The following KIF18B variants were observed in gnomAD, a reference collection of about 807,000 sequenced individuals.
KIF18B encodes the protein kinesin-like protein KIF18B.
A neutral mutation model predicts 80.9 loss-of-function variants in KIF18B; 49 were observed. The observed-to-expected ratio is 0.61, with a 90% CI of 0.48 to 0.77. The LOEUF (loss-of-function observed/expected upper bound fraction) is 0.77. Among genes scored for constraint, KIF18B ranks in the 30% least tolerant of loss-of-function variants. The probability of loss-of-function intolerance (pLI) is 0.00; values close to 1 mark genes in which losing one functional copy is unlikely to be tolerated. For missense variants in KIF18B, 994 were observed against 1,127.7 expected (o/e 0.88, Z 1.70); for synonymous variants, 439 against 463.9 (o/e 0.95, Z 0.69).
At chr17:44,947,535 C>T (rs2052535546) in intron 1 of KIF18B, 93 bp downstream of exon 1, 1 of 152,342 alleles carries the variant, frequency 6.6e-6, no homozygotes. Context: ...AGAGGCCTGG[C>T]ACAGGCCTCC....
At position 44,927,546 on chromosome 17, in the gene KIF18B, G is replaced by A. The variant is rs2052055865; in HGVS notation, c.2277-468C>T. On this transcript the variant is annotated intron_variant, in intron 13 of 15. Coordinates refer to ENST00000593135, the MANE Select transcript of KIF18B (RefSeq NM_001265577.2). This position sits in a 1 kb window ranked among gnomAD's most constrained non-coding sequence, Gnocchi z 4.1. ...GGAGTGACAGCTTCGTCTTCTCACT[G>A]GAAAATACTGAACTGAGTTTTCTAA... Among the ~76,000 whole-genome samples the A allele has an allele frequency of 6.6e-6, 1 of 152,206 alleles. No homozygotes were observed. Among genetic ancestry groups the A allele is most frequent in the Non-Finnish European group, 1.5e-5 (1 of 68,030 alleles).
At chr17:44,936,957 G>T (rs1362009387) in intron 1 of KIF18B, among the ~76,000 whole-genome samples, 1 of 150,620 alleles carries the variant, frequency 6.6e-6, no homozygotes, top group South Asian at 2.1e-4. Flanking sequence ...TGACTATATT[G>T]TTAGAGGCCT....
At chr17:44,931,562 T>G in intron 11 of KIF18B, 40 bp downstream of exon 11, 2 of 1,613,672 alleles carry the variant, frequency 1.2e-6, no homozygotes, top group South Asian at 2.2e-5. Context: ...AGCCCATTGC[T>G]TCCCACCTTG....
At chr17:44,931,871 C>G (rs1304689533) in intron 10 of KIF18B, 142 bp from the exon 11 acceptor site, 1 of 1,254,714 alleles carries the variant, frequency 8.0e-7, no homozygotes, top group East Asian at 2.4e-5. Flanking sequence ...TCCAAACACA[C>G]AAGGATCTGA....
At chr17:44,946,128 A>T (rs2052509068) in intron 1 of KIF18B, among the ~76,000 whole-genome samples, 23 of 152,048 alleles carry the variant, frequency 1.5e-4, no homozygotes, top group Non-Finnish European at 1.6e-4. Context: ...ATTATGTTTT[A>T]TACAATACTC....
chr17:44,933,358 T>C (rs999117412), intron 7 of KIF18B, among the ~76,000 whole-genome samples: 6 of 152,180 alleles, frequency 3.9e-5, no homozygotes, highest in African/African-American at 1.2e-4. Flanking sequence ...ACTAGACCAC[T>C]GGCCAATGAG....
At chr17:44,936,397 C>T (rs1247221715) in intron 1 of KIF18B, 39 bp from the exon 2 acceptor site, 2 of 1,528,562 alleles carry the variant, frequency 1.3e-6, no homozygotes, top group Non-Finnish European at 1.8e-6. Context: ...CAATCCCACC[C>T]CAGGCCTGAC....
At chr17:44,938,855 A>G (rs962550752) in intron 1 of KIF18B, among the ~76,000 whole-genome samples, 1 of 150,684 alleles carries the variant, frequency 6.6e-6, no homozygotes, top group African/African-American at 2.4e-5. Flanking sequence ...GACCAGCTTG[A>G]CTAACATGAA....
rs144822385 is a variant in KIF18B, at chr17:44,939,332, T to C, written c.-14-2974A>G. Among the ~76,000 whole-genome samples, 810 of 132,902 alleles carry C rather than the reference T, an allele frequency of 6.1e-3. 5 individuals carry two copies. Among genetic ancestry groups the C allele is most frequent in the Middle Eastern group, 0.011 (2 of 184 alleles). The allele number at this position is 132,902 out of a possible 152,430, so 87.2% of individuals were successfully genotyped here. ...GTTGCAGTGAGCTGAGATCGCACCA[T>C]TGTACTCCAGCCTGGGTGACAGAGA... is the stretch of plus-strand genomic sequence containing the variant. On this transcript the variant is annotated intron_variant, in intron 1 of 15. Transcript: ENST00000593135.
At chr17:44,944,376 G>A (rs2145751091) in intron 1 of KIF18B, among the ~76,000 whole-genome samples, 1 of 152,094 alleles carries the variant, frequency 6.6e-6, no homozygotes, top group African/African-American at 2.4e-5. Flanking sequence ...CTGAGTAGCT[G>A]GGACTACAGG....
At chr17:44,945,551 A>G (rs2145755475) in intron 1 of KIF18B, among the ~76,000 whole-genome samples, 1 of 152,232 alleles carries the variant, frequency 6.6e-6, no homozygotes, top group African/African-American at 2.4e-5. Flanking sequence ...TAATCGCTTC[A>G]TGTTAATTAT....
intron 3 of KIF18B, 114 bp downstream of exon 3, chr17:44,935,145 G>A: frequency 1.8e-6 from 2 of 1,137,480 alleles, no homozygotes; most frequent in Non-Finnish European, 2.5e-6. Context: ...TCTCCTTGAG[G>A]GGTGCCAGCT....
rs1173269525 is a variant in KIF18B at position 44,925,855 on chromosome 17, T to C, written c.*225A>G. ...GCACATTAACACTCACAAATGAATA[T>C]GTACATGCCAAGAAGCTGAGTGTAA... On this transcript the variant is annotated 3_prime_UTR_variant, in exon 16 of 16. Transcript: ENST00000593135. 2 of 587,540 alleles carry C rather than the reference T, an allele frequency of 3.4e-6. No homozygotes were observed. The highest frequency in any genetic ancestry group is 3.1e-5 in the Admixed American group (1 of 31,902). The allele number at this position is 587,540 out of a possible 1,614,324, so 36.4% of individuals were successfully genotyped here. A position where few individuals can be genotyped will look rare whatever the true frequency, so the allele number is the denominator to read the frequency against.
At chr17:44,945,482 A>C (rs1394895624) in intron 1 of KIF18B, among the ~76,000 whole-genome samples, 1 of 152,250 alleles carries the variant, frequency 6.6e-6, no homozygotes, top group Admixed American at 6.5e-5. Flanking sequence ...TAAGACTATA[A>C]GTTGCCCTCT....
chr17:44,931,933 G>A, intron 10 of KIF18B, 123 bp downstream of exon 10: 2 of 1,219,704 alleles, frequency 1.6e-6, no homozygotes, highest in Non-Finnish European at 2.3e-6. Context: ...TAATGACTAA[G>A]GTGCAAGACA....
rs937574133 is a variant in KIF18B, at chr17:44,932,585, C to T, written c.1238+88G>A. On this transcript the variant is annotated intron_variant, in intron 9 of 15. Transcript: ENST00000593135. The stretch of plus-strand genomic sequence containing the variant: ...GGGATTGGAGCAGAAGCAAGGAGTC[C>T]TAGTCCTCCAGAAACTGGAGAAGAG... 6.4e-5 allele frequency: 51 copies of T among 800,074 alleles called. 1 individual carries two copies. In the Admixed American group the frequency reaches 9.0e-4, roughly 14 times the overall value. 49.6% of individuals were successfully genotyped at this position (800,074 alleles called of 1,614,324 possible).
At position 44,927,918 on chromosome 17, in the gene KIF18B, A is replaced by G; in HGVS notation, c.2276+108T>C. 9.9e-7 allele frequency: 1 copy of G among 1,008,200 alleles called. No homozygotes were observed. The highest frequency in any genetic ancestry group is 1.4e-6 in the Non-Finnish European group (1 of 720,824). The allele number at this position is 1,008,200 out of a possible 1,614,324, so 62.5% of individuals were successfully genotyped here. A position where few individuals can be genotyped will look rare whatever the true frequency, so the allele number is the denominator to read the frequency against. The stretch of plus-strand genomic sequence containing the variant: ...CACAACCAAAGTGGAACAGATAGGA[A>G]CCGTCCCAGCTCCAAGGCTGTCCTC... On this transcript the variant is annotated intron_variant, in intron 13 of 15. Coordinates refer to ENST00000593135, the MANE Select transcript of KIF18B (RefSeq NM_001265577.2). The surrounding 1 kb of genome is among the most constrained non-coding windows in gnomAD (Gnocchi z 4.1).
rs932846230 is a variant in KIF18B at position 44,926,474 on chromosome 17, G to A, written c.2392C>T (p.Arg798Cys). The change falls in exon 15 of 16, where the codon CGC becomes TGC. Residue 798 changes from arginine to cysteine, a missense_variant. By Grantham distance (180) the Arg-to-Cys change is radical. Transcript: ENST00000593135. Reference protein sequence around the residue: ...ASSSVSHGRSRIARLPSSTLK... With the variant: ...ASSSVSHGRSCIARLPSSTLK... ...GTGCTGCTGGGGAGGCGGGCGATGC[G>A]GCTGCGGCCATGGGAGACTGAGGAA... 9 of 1,589,792 alleles carry A rather than the reference G, an allele frequency of 5.7e-6. No homozygotes were observed. The highest frequency in any genetic ancestry group is 6.8e-6 in the Non-Finnish European group (8 of 1,169,430).
At chr17:44,936,404 T>G (rs1279520481) in intron 1 of KIF18B, 46 bp from the exon 2 acceptor site, 24 of 1,520,308 alleles carry the variant, frequency 1.6e-5, no homozygotes, top group Non-Finnish European at 2.1e-5. Context: ...ACCCCAGGCC[T>G]GACCAGGTGC....
Sources: allele counts gnomAD v4.1 joint callset (sites outside exome capture counted in the v4.1 genomes callset), GRCh38; gene constraint gnomAD v4.1.1; non-coding constraint Gnocchi (gnomAD v3.1); transcripts MANE v1.5; gene names NCBI Gene and HGNC (gene_info 2026-07-23, HGNC 2026-07-21).